SPATS2L: variants seen among roughly 807,000 people sequenced by gnomAD.
The protein encoded by SPATS2L is spermatogenesis associated serine rich 2 like.
Under a neutral mutation model 59.6 loss-of-function variants are expected in SPATS2L, and 30 were observed. The ratio of observed to expected loss-of-function variants is 0.50; its 90% CI spans 0.38 to 0.68. The LOEUF is 0.68. Among genes scored for constraint, SPATS2L ranks in the 30% least tolerant of loss-of-function variants. The pLI is 0.00. For missense variants in SPATS2L, 615 were observed against 700.0 expected (o/e 0.88, Z 1.37); for synonymous variants, 252 against 263.5 (o/e 0.96, Z 0.42).
chr2:200,466,209 A>G (rs886545267), intron 9 of SPATS2L, among the ~76,000 whole-genome samples: 12 of 152,248 alleles, frequency 7.9e-5, no homozygotes, highest in African/African-American at 2.7e-4. Flanking sequence ...ACCTGCACGT[A>G]TGCTGTGAAT....
chr2:200,322,474 A>G (rs771088670), intron 1 of SPATS2L, among the ~76,000 whole-genome samples: 33 of 152,260 alleles, frequency 2.2e-4, no homozygotes, highest in Non-Finnish European at 7.3e-5. Flanking sequence ...ACATCAGGAA[A>G]GAGCTGTAAT....
Position 200,427,496 on chromosome 2 carries a change from A to G in SPATS2L, c.445+8000A>G, listed in dbSNP as rs1382711636. ...ACATGCATATACATATATAAAATATACATGTATTATTATATATAATAATAT... is the reference window on the plus strand; with the variant it reads ...ACATGCATATACATATATAAAATATGCATGTATTATTATATATAATAATAT... On this transcript the variant is annotated intron_variant, in intron 6 of 12. Coordinates refer to ENST00000409140, the MANE Select transcript of SPATS2L (RefSeq NM_001100423.2). Among the ~76,000 whole-genome samples the G allele has an allele frequency of 2.0e-5, 3 of 148,818 alleles. No individual in the cohort carries two copies. In the East Asian group the frequency reaches 5.8e-4, roughly 29 times the overall value.
chr2:200,474,370 A>C (rs549655574), intron 12 of SPATS2L, among the ~76,000 whole-genome samples: 2 of 151,504 alleles, frequency 1.3e-5, no homozygotes, highest in South Asian at 4.2e-4. Context: ...TTTTTGGCAC[A>C]ATCTCGGCCC....
chr2:200,397,659 A>C (rs1389402490), intron 3 of SPATS2L, among the ~76,000 whole-genome samples: 1 of 151,756 alleles, frequency 6.6e-6, no homozygotes, highest in East Asian at 1.9e-4. Flanking sequence ...TAATAATAAT[A>C]TCATAGACTT....
chr2:200,335,256 G>A (rs1053112422), intron 2 of SPATS2L, among the ~76,000 whole-genome samples: 5 of 151,980 alleles, frequency 3.3e-5, no homozygotes, highest in South Asian at 2.1e-4. Flanking sequence ...TGAAAGAATC[G>A]GATACCAAGA....
intron 2 of SPATS2L, among the ~76,000 whole-genome samples, chr2:200,388,311 C>A (rs1232656726): frequency 6.6e-6 from 1 of 152,058 alleles, no homozygotes; most frequent in Non-Finnish European, 1.5e-5. Flanking sequence ...TGGCTCACAC[C>A]TATAATCCCA....
chr2:200,326,059 C>G (rs1164886475), intron 1 of SPATS2L, among the ~76,000 whole-genome samples: 2 of 152,206 alleles, frequency 1.3e-5, no homozygotes, highest in Non-Finnish European at 2.9e-5. Context: ...TGCTAAGTAA[C>G]TTATCAAAGG....
intron 2 of SPATS2L, among the ~76,000 whole-genome samples, chr2:200,385,704 T>A (rs1013477027): frequency 1.3e-5 from 2 of 152,238 alleles, no homozygotes; most frequent in South Asian, 4.2e-4. Flanking sequence ...AAAATTTTTT[T>A]TTTTTTTAGA....
intron 1 of SPATS2L, among the ~76,000 whole-genome samples, chr2:200,314,546 G>A (rs1434595448): frequency 3.3e-5 from 5 of 152,094 alleles, no homozygotes; most frequent in African/African-American, 1.2e-4. Flanking sequence ...GCATCTTCAG[G>A]TTAAAATGTA....
At chr2:200,397,386 A>G (rs557529791) in intron 3 of SPATS2L, among the ~76,000 whole-genome samples, 8 of 152,296 alleles carry the variant, frequency 5.3e-5, no homozygotes, top group African/African-American at 1.9e-4. Context: ...TTTTACGGAG[A>G]AGAAAATGAC....
At chr2:200,353,659 A>G (rs1004080849) in intron 2 of SPATS2L, among the ~76,000 whole-genome samples, 1 of 152,074 alleles carries the variant, frequency 6.6e-6, no homozygotes, top group African/African-American at 2.4e-5. Flanking sequence ...AATCTGACTT[A>G]GTTTAGCTTA....
chr2:200,351,871 C>A (rs557404070), intron 2 of SPATS2L, among the ~76,000 whole-genome samples: 2 of 152,172 alleles, frequency 1.3e-5, no homozygotes, highest in South Asian at 4.2e-4. Context: ...GGTGGAAGCC[C>A]CCTGTGCCAT....
intron 2 of SPATS2L, among the ~76,000 whole-genome samples, chr2:200,330,679 CGT>C (rs982165999): frequency 3.9e-5 from 6 of 152,190 alleles, no homozygotes; most frequent in South Asian, 2.1e-4. Context: ...TTTCTTGAAA[CGT>C]ATACCAAATA....
chr2:200,477,521 A>T (rs1419907789), intron 12 of SPATS2L, 115 bp from the exon 13 acceptor site: 56 of 287,730 alleles, frequency 1.9e-4, no homozygotes, highest in South Asian at 4.3e-4. Context: ...TGTATAAAAA[A>T]AAAAAAAAAA....
intron 2 of SPATS2L, among the ~76,000 whole-genome samples, chr2:200,377,098 G>T (rs1374459192): frequency 6.6e-6 from 1 of 152,102 alleles, no homozygotes; most frequent in Non-Finnish European, 1.5e-5. Context: ...TGTGTGCCAG[G>T]CACTGTTGTA....
At chr2:200,323,168 T>A (rs1388134460) in intron 1 of SPATS2L, among the ~76,000 whole-genome samples, 1 of 152,224 alleles carries the variant, frequency 6.6e-6, no homozygotes, top group African/African-American at 2.4e-5. Context: ...CTATGGGATC[T>A]GCAGGTTGGA....
chr2:200,397,562 T>C (rs574315661), intron 3 of SPATS2L, among the ~76,000 whole-genome samples: 21 of 152,192 alleles, frequency 1.4e-4, no homozygotes, highest in Non-Finnish European at 2.6e-4. Context: ...ATTTTCTCTG[T>C]AAATCATTGC....
chr2:200,306,405 AGC>A (rs2079011955), upstream of SPATS2L: 9 of 1,002,152 alleles, frequency 9.0e-6, no homozygotes, highest in African/African-American at 1.7e-5. Flanking sequence ...GTCGGTCTGG[AGC>A]AAGCAAGCAA....
intron 1 of SPATS2L, among the ~76,000 whole-genome samples, chr2:200,325,415 G>A (rs980284485): frequency 6.6e-6 from 1 of 152,138 alleles, no homozygotes; most frequent in African/African-American, 2.4e-5. Context: ...GTCTCACTCT[G>A]TTACCTAGGC....
Sources: gnomAD v4.1 joint callset for allele counts (sites outside exome capture counted in the v4.1 genomes callset) on GRCh38, gnomAD v4.1.1 for gene constraint, MANE v1.5 for transcripts, NCBI Gene and HGNC (gene_info 2026-07-23, HGNC 2026-07-21) for gene names.